Variants in AP3S2 observed in about 807,000 individuals in gnomAD.
AP3S2 encodes adaptor related protein complex 3 subunit sigma 2.
Under a neutral mutation model 23.4 loss-of-function variants are expected in AP3S2, and 22 were observed. The ratio of observed to expected loss-of-function variants is 0.94; its 90% CI spans 0.67 to 1.34. The LOEUF (loss-of-function observed/expected upper bound fraction) is 1.34, where lower values mean the gene tolerates loss of function less well. Among genes scored for constraint, AP3S2 ranks in the 40% most tolerant of loss-of-function variants. The probability of loss-of-function intolerance (pLI) is 0.00; values close to 1 mark genes in which losing one functional copy is unlikely to be tolerated. For synonymous variants in AP3S2, 86 were observed against 87.1 expected (o/e 0.99, Z 0.07); for missense variants, 241 against 236.9 (o/e 1.02, Z -0.11).
chr15:89,884,036 C>T (rs551978660), intron 3 of AP3S2: 2 of 154,014 alleles, frequency 1.3e-5, no homozygotes, highest in Non-Finnish European at 2.9e-5. Flanking sequence ...TGGTCCCAAA[C>T]ATTTCAAAGG....
intron 4 of AP3S2, among the ~76,000 whole-genome samples, chr15:89,859,881 A>G (rs1469291753): frequency 6.7e-6 from 1 of 150,022 alleles, no homozygotes; most frequent in Non-Finnish European, 1.5e-5. Flanking sequence ...CTCCTGCCTC[A>G]GCCTCCAGAG....
chr15:89,890,964 C>G (rs1287996789), intron 1 of AP3S2, among the ~76,000 whole-genome samples: 1 of 152,160 alleles, frequency 6.6e-6, no homozygotes, highest in African/African-American at 2.4e-5. Flanking sequence ...ATTTAAAGAA[C>G]AAACAAAGCT....
intron 3 of AP3S2, among the ~76,000 whole-genome samples, chr15:89,885,823 C>A (rs1896685893): frequency 6.6e-6 from 1 of 151,254 alleles, no homozygotes. Context: ...TGCCTGTAGG[C>A]CCCATTACTC....
At chr15:89,893,843 C>T (rs757441779) in intron 1 of AP3S2, 38 bp downstream of exon 1, 54 of 1,549,678 alleles carry the variant, frequency 3.5e-5, no homozygotes, top group East Asian at 1.5e-4. Context: ...ACATAGTGGG[C>T]GCCCTGAAGG....
chr15:89,885,819 T>C (rs1184446350), intron 3 of AP3S2, among the ~76,000 whole-genome samples: 1 of 151,280 alleles, frequency 6.6e-6, no homozygotes, highest in East Asian at 2.0e-4. Context: ...CGCATGCCTG[T>C]AGGCCCCATT....
chr15:89,838,530 C>T (rs1290242531), intron 4 of AP3S2, among the ~76,000 whole-genome samples: 1 of 152,178 alleles, frequency 6.6e-6, no homozygotes, highest in East Asian at 1.9e-4. Context: ...AAAGCTGTCA[C>T]AGAAAGCCCT....
Position 89,835,490 on chromosome 15 carries a change from T to A in AP3S2, c.*25A>T. On this transcript the variant is annotated 3_prime_UTR_variant, in exon 6 of 6. Transcript: ENST00000336418. ...GCTTGTCTTTGCTTGTCTTAAGGACTCTATTTCAGGCCAATACTTGATCCT... is the reference window on the plus strand; with the variant it reads ...GCTTGTCTTTGCTTGTCTTAAGGACACTATTTCAGGCCAATACTTGATCCT... 1.9e-6 allele frequency: 3 copies of A among 1,612,596 alleles called. No homozygotes were observed. The highest frequency in any genetic ancestry group is 1.7e-6 in the Non-Finnish European group (2 of 1,179,470).
At chr15:89,867,264 T>G (rs1400924797) in intron 4 of AP3S2, among the ~76,000 whole-genome samples, 7 of 150,250 alleles carry the variant, frequency 4.7e-5, no homozygotes, top group Non-Finnish European at 8.9e-5. Context: ...TCCGCCAGCC[T>G]TGGCCTCCCG....
At chr15:89,849,806 C>T (rs138192484) in intron 4 of AP3S2, among the ~76,000 whole-genome samples, 71 of 151,426 alleles carry the variant, frequency 4.7e-4, no homozygotes, top group African/African-American at 1.4e-3. Flanking sequence ...TTAGGTATTT[C>T]TCCTAATGCT....
At chr15:89,886,150 A>AC (rs1168320649) in intron 3 of AP3S2, among the ~76,000 whole-genome samples, 3 of 152,002 alleles carry the variant, frequency 2.0e-5, no homozygotes, top group African/African-American at 7.3e-5. Context: ...GGATATCGAG[A>AC]CCATCTTGGC....
chr15:89,859,381 CCTTCCT>C (rs1567179202), intron 4 of AP3S2, among the ~76,000 whole-genome samples: 1,936 of 108,108 alleles, frequency 0.018, 69 homozygotes, highest in African/African-American at 0.063. Flanking sequence ...TTCCTTCCTT[CCTTCCT>C]TTTCTTTCTT....
At chr15:89,869,171 C>T (rs1458224268) in intron 4 of AP3S2, among the ~76,000 whole-genome samples, 2 of 151,602 alleles carry the variant, frequency 1.3e-5, no homozygotes, top group Admixed American at 6.6e-5. Flanking sequence ...GGATGGTTGC[C>T]GTGTCTGTGT....
intron 4 of AP3S2, 45 bp from the exon 5 acceptor site, chr15:89,837,767 T>C: frequency 6.2e-7 from 1 of 1,608,210 alleles, no homozygotes; most frequent in Non-Finnish European, 8.5e-7. Flanking sequence ...TCTGTGGTGG[T>C]CAGAGTGTAA....
chr15:89,877,235 C>A, intron 3 of AP3S2: 5 of 989,838 alleles, frequency 5.1e-6, no homozygotes, highest in Non-Finnish European at 7.3e-6. Context: ...CAGACCCACA[C>A]ATAAAGAGGA....
chr15:89,882,735 CAACT>C (rs1184728645), intron 3 of AP3S2, among the ~76,000 whole-genome samples: 1 of 152,116 alleles, frequency 6.6e-6, no homozygotes, highest in African/African-American at 2.4e-5. Context: ...CAATTGTTTC[CAACT>C]GATTTGGATT....
At chr15:89,880,662 A>G (rs1896549996) in intron 3 of AP3S2, among the ~76,000 whole-genome samples, 1 of 140,090 alleles carries the variant, frequency 7.1e-6, no homozygotes, top group Admixed American at 7.5e-5. Context: ...CAACAGAGCA[A>G]GACTCCGTCT....
intron 5 of AP3S2, among the ~76,000 whole-genome samples, chr15:89,835,943 G>T (rs1331360034): frequency 6.6e-6 from 1 of 152,076 alleles, no homozygotes; most frequent in East Asian, 1.9e-4. Context: ...CAGGAAAATC[G>T]CTTGAACTCA....
chr15:89,864,827 C>A (rs1896081384), intron 4 of AP3S2, among the ~76,000 whole-genome samples: 1 of 152,122 alleles, frequency 6.6e-6, no homozygotes, highest in Admixed American at 6.5e-5. Context: ...TAGGCATTAG[C>A]CACTGTGCCC....
At position 89,879,845 on chromosome 15, in the gene AP3S2, G is replaced by A. The variant is rs187306287; in HGVS notation, c.274-8299C>T. Among the ~76,000 whole-genome samples the A allele has an allele frequency of 5.8e-3, 880 of 151,994 alleles. 11 individuals carry two copies. Among genetic ancestry groups the A allele is most frequent in the African/African-American group, 0.02 (847 of 41,472 alleles). On this transcript the variant is annotated intron_variant, in intron 3 of 5. Coordinates refer to ENST00000336418, the MANE Select transcript of AP3S2 (RefSeq NM_005829.5). ...CTGGTCTTGAACTCCTAACCTCAAAGTTAGGTTGCAGTGAGCTGAGATCAC... is the reference window on the plus strand; with the variant it reads ...CTGGTCTTGAACTCCTAACCTCAAAATTAGGTTGCAGTGAGCTGAGATCAC...
Sources: gnomAD v4.1 joint callset for allele counts (sites outside exome capture counted in the v4.1 genomes callset) on GRCh38, gnomAD v4.1.1 for gene constraint, MANE v1.5 for transcripts, NCBI Gene and HGNC (gene_info 2026-07-23, HGNC 2026-07-21) for gene names.